The following LRRC7 variants were observed in gnomAD, a reference collection of about 807,000 sequenced individuals.
The protein encoded by LRRC7 is leucine-rich repeat-containing protein 7.
A neutral mutation model predicts 175.7 loss-of-function variants in LRRC7; 23 were observed. The observed-to-expected ratio is 0.13, with a 90% CI of 0.09 to 0.19. LRRC7 has a LOEUF of 0.19. Ranked by LOEUF, LRRC7 falls within the 10% of genes least tolerant of loss-of-function variation. LRRC7 has a pLI of 1.00. For missense variants in LRRC7, 1,354 were observed against 1,904.7 expected (o/e 0.71, Z 5.38); for synonymous variants, 685 against 680.9 (o/e 1.01, Z -0.09).
At chr1:69,919,758 C>T in intron 7 of LRRC7, 1 of 971,782 alleles carries the variant, frequency 1.0e-6, no homozygotes, top group Non-Finnish European at 1.6e-6. Context: ...TTTGAAGACC[C>T]CTGGTTTGCG....
chr1:69,869,025 A>C (rs1403065517), intron 7 of LRRC7, among the ~76,000 whole-genome samples: 1 of 151,946 alleles, frequency 6.6e-6, no homozygotes, highest in Non-Finnish European at 1.5e-5. Flanking sequence ...TGCTGCTTTA[A>C]ATACCTTATC....
intron 8 of LRRC7, among the ~76,000 whole-genome samples, chr1:69,946,934 C>T (rs920480839): frequency 3.3e-5 from 5 of 151,762 alleles, no homozygotes; most frequent in Non-Finnish European, 7.4e-5. Context: ...AAAACTTAGC[C>T]ACTCGTGGTG....
chr1:69,716,153 A>T, intron 2 of LRRC7: 1 of 436,920 alleles, frequency 2.3e-6, no homozygotes. Context: ...AGCCCGCTAC[A>T]TGAAAAAAAA....
chr1:69,824,588 C>T (rs147521978), intron 4 of LRRC7, among the ~76,000 whole-genome samples: 3 of 152,136 alleles, frequency 2.0e-5, no homozygotes, highest in Non-Finnish European at 4.4e-5. Context: ...CCCCTTTGTA[C>T]CCCTATTTGG....
intron 7 of LRRC7, among the ~76,000 whole-genome samples, chr1:69,879,212 T>TAAAAAAAAAAAAAAAAAAAAAA (rs201332183): frequency 2.2e-5 from 2 of 91,960 alleles, no homozygotes; most frequent in African/African-American, 5.2e-5. Context: ...AAAACTGCTT[T>TAAAAAAAAAAAAAAAAAAAAAA]AAAAAAAAAA....
chr1:69,799,482 T>G lies in LRRC7; in HGVS notation c.421+7322T>G, dbSNP rs1020750221. ...AATATTTGACTTTCTGTCTCTGAGTTGTTTTACTTAAGATAATGGCCTCCA... is the reference window on the plus strand; with the variant it reads ...AATATTTGACTTTCTGTCTCTGAGTGGTTTTACTTAAGATAATGGCCTCCA... On this transcript the variant is annotated intron_variant, in intron 4 of 26. Transcript: ENST00000651989. Among the ~76,000 whole-genome samples the G allele has an allele frequency of 6.6e-5, 10 of 152,150 alleles. No individual in the cohort carries two copies. In the South Asian group the frequency reaches 8.3e-4, roughly 13 times the overall value.
intron 4 of LRRC7, among the ~76,000 whole-genome samples, chr1:69,811,973 C>T (rs917660013): frequency 5.9e-5 from 9 of 151,992 alleles, no homozygotes; most frequent in South Asian, 4.1e-4. Flanking sequence ...TCCAGTGCTT[C>T]GCCTCAGTAA....
chr1:69,745,528 A>T (rs1669161220), intron 2 of LRRC7, among the ~76,000 whole-genome samples: 1 of 151,920 alleles, frequency 6.6e-6, no homozygotes, highest in African/African-American at 2.4e-5. Flanking sequence ...GGAAAAAATG[A>T]TAATATAATT....
In LRRC7 at chr1:70,137,036, A is replaced by G. The variant is rs1666902611; in HGVS notation, c.*15149A>G. 3.3e-5 allele frequency among the ~76,000 whole-genome samples: 5 copies of G among 152,056 alleles called. No homozygotes were observed. ...CACCATCCTCGGCTCTATTGCTTTT[A>G]TAATATGACCCAAGGAACGTTTTCT... On this transcript the variant is annotated 3_prime_UTR_variant, in exon 27 of 27. Transcript: ENST00000651989.
intron 7 of LRRC7, among the ~76,000 whole-genome samples, chr1:69,840,072 A>G (rs1434871142): frequency 2.0e-5 from 3 of 152,038 alleles, no homozygotes; most frequent in Non-Finnish European, 4.4e-5. Flanking sequence ...TCATACACAT[A>G]TAACTTATAT....
rs539654099 is a variant in LRRC7 at position 70,132,489 on chromosome 1, G to A, written c.*10602G>A. Among the ~76,000 whole-genome samples, 51 of 109,222 alleles carry A rather than the reference G, an allele frequency of 4.7e-4. No individual in the cohort carries two copies. In the East Asian group the frequency reaches 0.012, roughly 25 times the overall value. 71.7% of individuals were successfully genotyped at this position (109,222 alleles called of 152,430 possible). A position where few individuals can be genotyped will look rare whatever the true frequency, so the allele number is the denominator to read the frequency against. On this transcript the variant is annotated 3_prime_UTR_variant, in exon 27 of 27. Coordinates refer to ENST00000651989, the MANE Select transcript of LRRC7 (RefSeq NM_001370785.2). Reference sequence around the variant, plus strand: ...TTTTTTTTTTTTTTTTTTTTGAGACGGAGTCTCACTCTGTCATCAGGCTGG... The same window carrying A: ...TTTTTTTTTTTTTTTTTTTTGAGACAGAGTCTCACTCTGTCATCAGGCTGG...
chr1:69,841,768 A>G (rs1369632925), intron 7 of LRRC7, among the ~76,000 whole-genome samples: 2 of 151,866 alleles, frequency 1.3e-5, no homozygotes, highest in African/African-American at 4.9e-5. Flanking sequence ...CATGGTAGAC[A>G]TTCCAAACCA....
intron 2 of LRRC7, among the ~76,000 whole-genome samples, chr1:69,734,434 G>A (rs893983086): frequency 6.6e-6 from 1 of 151,762 alleles, no homozygotes; most frequent in African/African-American, 2.4e-5. Context: ...AGTTTTACAT[G>A]ACCATTATTT....
intron 3 of LRRC7, among the ~76,000 whole-genome samples, chr1:69,782,775 A>G (rs1673918638): frequency 1.3e-5 from 2 of 152,176 alleles, no homozygotes; most frequent in South Asian, 4.1e-4. Flanking sequence ...GGAACATGCC[A>G]TCACTTCCTT....
chr1:69,663,131 C>A (rs1485809235), intron 1 of LRRC7, among the ~76,000 whole-genome samples: 1 of 151,726 alleles, frequency 6.6e-6, no homozygotes, highest in East Asian at 1.9e-4. Context: ...ATGGTTAGTC[C>A]TACTTTCATT....
chr1:69,721,025 T>A (rs1307246808), intron 2 of LRRC7, among the ~76,000 whole-genome samples: 2 of 151,820 alleles, frequency 1.3e-5, no homozygotes, highest in Non-Finnish European at 2.9e-5. Flanking sequence ...CTTTCTTTTC[T>A]TTTACTCAGA....
chr1:69,892,675 G>C (rs950751651), intron 7 of LRRC7, among the ~76,000 whole-genome samples: 2 of 152,252 alleles, frequency 1.3e-5, no homozygotes, highest in African/African-American at 4.8e-5. Context: ...GACATGCCAA[G>C]CTCTTTACCT....
At chr1:70,093,591 T>C (rs1472818691) in intron 25 of LRRC7, among the ~76,000 whole-genome samples, 1 of 152,160 alleles carries the variant, frequency 6.6e-6, no homozygotes, top group African/African-American at 2.4e-5. Context: ...TATGATATTC[T>C]AATATTGAGA....
intron 23 of LRRC7, among the ~76,000 whole-genome samples, chr1:70,075,052 C>T (rs1026164034): frequency 1.3e-5 from 2 of 152,078 alleles, no homozygotes; most frequent in Non-Finnish European, 2.9e-5. Flanking sequence ...CTTAAAAGAT[C>T]AAGAGGAAAG....
Sources: allele counts gnomAD v4.1 joint callset (sites outside exome capture counted in the v4.1 genomes callset), GRCh38; gene constraint gnomAD v4.1.1; transcripts MANE v1.5; gene names NCBI Gene and HGNC (gene_info 2026-07-23, HGNC 2026-07-21).